PCDHGA6: variants seen among roughly 807,000 people sequenced by gnomAD.
PCDHGA6 encodes protocadherin gamma-A6.
PCDHGA6 carries 41 observed loss-of-function variants against 60.6 expected under a neutral mutation model. The observed-to-expected ratio is 0.68, with a 90% CI of 0.53 to 0.88. The LOEUF (loss-of-function observed/expected upper bound fraction) is 0.88, where lower values mean the gene tolerates loss of function less well. Ranked by LOEUF, PCDHGA6 falls within the 40% of genes least tolerant of loss-of-function variation. PCDHGA6 has a pLI of 0.00. For synonymous variants in PCDHGA6, 594 were observed against 524.4 expected, an observed-to-expected ratio of 1.13 and a Z score of -1.81; for missense variants, 1,312 against 1,203.0, an observed-to-expected ratio of 1.09 and a Z score of -1.34.
intron 2 of PCDHGA6, among the ~76,000 whole-genome samples, chr5:141,501,136 G>A (rs909142955): frequency 6.6e-6 from 1 of 152,090 alleles, no homozygotes; most frequent in Non-Finnish European, 1.5e-5. Context: ...CTAAGTGCTG[G>A]GATTACAGGT....
At chr5:141,403,708 T>C (rs1265644591) in intron 1 of PCDHGA6, 2 of 1,613,906 alleles carry the variant, frequency 1.2e-6, no homozygotes, top group South Asian at 1.1e-5. Flanking sequence ...TTAAAGTCCT[T>C]GAGAACGTGC....
At chr5:141,404,950 C>T (rs2094588760) in intron 1 of PCDHGA6, 2 of 1,613,968 alleles carry the variant, frequency 1.2e-6, no homozygotes, top group East Asian at 4.5e-5. Flanking sequence ...CCATAGCTGA[C>T]AGCATCCCAG....
intron 1 of PCDHGA6, chr5:141,427,536 G>A (rs758610182): frequency 4.8e-6 from 3 of 626,396 alleles, no homozygotes; most frequent in Middle Eastern, 2.5e-4. Flanking sequence ...GGAGTACAAC[G>A]TCACCATCAC....
At chr5:141,480,910 T>C (rs985100480) in intron 1 of PCDHGA6, among the ~76,000 whole-genome samples, 5 of 152,106 alleles carry the variant, frequency 3.3e-5, no homozygotes, top group Non-Finnish European at 7.4e-5. Flanking sequence ...CTGGGCATGG[T>C]GGCGCATACC....
rs762433242 is a variant in PCDHGA6, at chr5:141,476,856, C to A, written c.2425-17951C>A. 2.5e-6 allele frequency: 4 copies of A among 1,613,762 alleles called. No individual in the cohort carries two copies. In the East Asian group the frequency reaches 6.7e-5, roughly 27 times the overall value. ...GACAATGCGCCTGTCTTCAACCAGTCCTTGTACCGGGCGCGCGTCCTGGAG... is the reference window on the plus strand; with the variant it reads ...GACAATGCGCCTGTCTTCAACCAGTACTTGTACCGGGCGCGCGTCCTGGAG... On this transcript the variant is annotated intron_variant, in intron 1 of 3. Coordinates refer to ENST00000517434, the MANE Select transcript of PCDHGA6 (RefSeq NM_018919.3). This position sits in a 1 kb window ranked among gnomAD's most constrained non-coding sequence, Gnocchi z 7.6.
chr5:141,392,187 AT>A (rs1221931532), intron 1 of PCDHGA6: 1 of 152,234 alleles, frequency 6.6e-6, no homozygotes, highest in Non-Finnish European at 1.5e-5. Context: ...CAGTAGGTCT[AT>A]TTTAGTCTCA....
chr5:141,476,267 G>T lies in PCDHGA6; in HGVS notation c.2425-18540G>T, dbSNP rs373758158. 15 of 1,614,056 alleles carry T rather than the reference G, an allele frequency of 9.3e-6. No homozygotes were observed. In the South Asian group the frequency reaches 1.6e-4, roughly 18 times the overall value. On this transcript the variant is annotated intron_variant, in intron 1 of 3. Transcript: ENST00000517434. This position sits in a 1 kb window ranked among gnomAD's most constrained non-coding sequence, Gnocchi z 7.6. ...GAAGGGTTTCGCTGTGGGCAACGTGGTCGCGAACCTTGGTTTGGATCTCGG... is the reference window on the plus strand; with the variant it reads ...GAAGGGTTTCGCTGTGGGCAACGTGTTCGCGAACCTTGGTTTGGATCTCGG...
At chr5:141,400,217 T>A (rs771117256) in intron 1 of PCDHGA6, 1 of 1,613,916 alleles carries the variant, frequency 6.2e-7, no homozygotes, top group Non-Finnish European at 8.5e-7. Flanking sequence ...TTGATCTCAG[T>A]GCTCTTCCTC....
chr5:141,415,017 G>A lies in PCDHGA6; in HGVS notation c.2424+38510G>A, dbSNP rs1344566574. ...CCTGGCTGTCCTACCGTCTGCTCAA[G>A]GCCAGCGAGCCGGGACTCTTCGCGG... On this transcript the variant is annotated intron_variant, in intron 1 of 3. Transcript: ENST00000517434. The A allele has an allele frequency of 1.9e-6, 3 of 1,613,574 alleles. No homozygotes were observed. In the Admixed American group the frequency reaches 5.0e-5, roughly 27 times the overall value.
At chr5:141,378,758 C>G (rs969501970) in intron 1 of PCDHGA6, 1 of 152,162 alleles carries the variant, frequency 6.6e-6, no homozygotes, top group Non-Finnish European at 1.5e-5. Flanking sequence ...AAGGGATTAT[C>G]ATTTAGAAGA....
At chr5:141,409,317 G>A in intron 1 of PCDHGA6, 2 of 1,613,940 alleles carry the variant, frequency 1.2e-6, no homozygotes, top group Non-Finnish European at 1.7e-6. Flanking sequence ...TTCAAAACAC[G>A]GGATCTGGAT....
intron 1 of PCDHGA6, among the ~76,000 whole-genome samples, chr5:141,484,723 G>T (rs930331672): frequency 1.3e-5 from 2 of 151,930 alleles, no homozygotes; most frequent in Non-Finnish European, 2.9e-5. Flanking sequence ...AAGGGGCGGG[G>T]TCAGTCGGTG....
At chr5:141,393,094 A>T in intron 1 of PCDHGA6, 4 of 1,613,606 alleles carry the variant, frequency 2.5e-6, no homozygotes, top group Non-Finnish European at 3.4e-6. Flanking sequence ...GATCGGGAGG[A>T]GCTCTGCGCT....
chr5:141,383,453 G>C lies in PCDHGA6; in HGVS notation c.2424+6946G>C, dbSNP rs116033027. 4.2e-4 allele frequency: 670 copies of C among 1,613,934 alleles called. 4 individuals are homozygous for C. The African/African-American group carries it at 7.6e-3, about 18-fold the overall frequency. The stretch of plus-strand genomic sequence containing the variant: ...CACTTCTCCCTGGCTGTGCAAAGTG[G>C]AGACGATGAAACTAAGTACCCGGAA... On this transcript the variant is annotated intron_variant, in intron 1 of 3. Coordinates refer to ENST00000517434, the MANE Select transcript of PCDHGA6 (RefSeq NM_018919.3).
chr5:141,462,477 G>A (rs1430561580), intron 1 of PCDHGA6, among the ~76,000 whole-genome samples: 1 of 151,828 alleles, frequency 6.6e-6, no homozygotes, highest in East Asian at 1.9e-4. Flanking sequence ...TCTGCTTCTC[G>A]TGGTTGTTGT....
chr5:141,399,817 G>T (rs369747431), intron 1 of PCDHGA6: 1 of 1,613,224 alleles, frequency 6.2e-7, no homozygotes, highest in South Asian at 1.1e-5. Flanking sequence ...CCCCGCGCTG[G>T]GTCCCGACGG....
chr5:141,393,682 C>T (rs756181553), intron 1 of PCDHGA6: 18 of 1,613,870 alleles, frequency 1.1e-5, no homozygotes, highest in Non-Finnish European at 1.3e-5. Context: ...AAACAAACTC[C>T]GTTATTCCAG....
chr5:141,487,590 C>G lies in PCDHGA6; in HGVS notation c.2425-7217C>G. 1 of 1,614,160 alleles carries G rather than the reference C, an allele frequency of 6.2e-7. No homozygotes were observed. Among genetic ancestry groups the G allele is most frequent in the Non-Finnish European group, 8.5e-7 (1 of 1,180,040 alleles). ...GAGCCTGTTCGCCCAAGCTGCCCACCCTCTGATCTTCTCTATGGGCTAGAG... is the reference window on the plus strand; with the variant it reads ...GAGCCTGTTCGCCCAAGCTGCCCACGCTCTGATCTTCTCTATGGGCTAGAG... On this transcript the variant is annotated intron_variant, in intron 1 of 3. Transcript: ENST00000517434. The surrounding 1 kb of genome is among the most constrained non-coding windows in gnomAD (Gnocchi z 5.0).
At chr5:141,439,741 A>C (rs1303886454) in intron 1 of PCDHGA6, 1 of 152,352 alleles carries the variant, frequency 6.6e-6, no homozygotes, top group African/African-American at 2.4e-5. Flanking sequence ...AACGGAACGG[A>C]TTTACAGGCA....
Sources: gnomAD v4.1 joint callset for allele counts (sites outside exome capture counted in the v4.1 genomes callset) on GRCh38, gnomAD v4.1.1 for gene constraint, Gnocchi (gnomAD v3.1) non-coding constraint, MANE v1.5 for transcripts, NCBI Gene and HGNC (gene_info 2026-07-23, HGNC 2026-07-21) for gene names.